The following KSR2 variants were observed in gnomAD, a reference collection of about 807,000 sequenced individuals.
The protein encoded by KSR2 is kinase suppressor of ras 2.
Under a neutral mutation model 107.8 loss-of-function variants are expected in KSR2, and 25 were observed. The ratio of observed to expected loss-of-function variants is 0.23; its 90% CI spans 0.17 to 0.32. The LOEUF is 0.32. Ranked by LOEUF, KSR2 falls within the 10% of genes least tolerant of loss-of-function variation. The pLI is 1.00. For missense variants in KSR2, 887 were observed against 1,268.9 expected, an observed-to-expected ratio of 0.70 and a Z score of 4.57; for synonymous variants, 480 against 507.0, an observed-to-expected ratio of 0.95 and a Z score of 0.71.
chr12:117,555,490 A>T (rs1168595288), intron 8 of KSR2, among the ~76,000 whole-genome samples, 197 bp from the exon 9 acceptor site: 2 of 152,244 alleles, frequency 1.3e-5, no homozygotes, highest in Non-Finnish European at 2.9e-5. Flanking sequence ...TCCATATATG[A>T]CTTTTGACAA....
At position 117,694,850 on chromosome 12, in the gene KSR2, T is replaced by C. The variant is rs1440346894; in HGVS notation, c.987-27192A>G. ...AGGACAAATGTTGTATGATTCTTTT[T>C]TTTTTTTTTTTTTTTTTGAGATGGA... On this transcript the variant is annotated intron_variant, in intron 4 of 19. Transcript: ENST00000339824. 6.3e-5 allele frequency among the ~76,000 whole-genome samples: 9 copies of C among 143,230 alleles called. 1 individual carries two copies. Among genetic ancestry groups the C allele is most frequent in the Admixed American group, 1.4e-4 (2 of 14,424 alleles). 94.0% of individuals were successfully genotyped at this position (143,230 alleles called of 152,430 possible).
intron 3 of KSR2, among the ~76,000 whole-genome samples, chr12:117,802,387 C>T (rs1244404922): frequency 1.3e-5 from 2 of 152,164 alleles, no homozygotes; most frequent in Admixed American, 6.5e-5. Context: ...ATGACATTTT[C>T]AAAGTCCCTT....
chr12:117,940,948 T>C lies in KSR2; in HGVS notation c.180+27128A>G, dbSNP rs1329001079. 3.9e-5 allele frequency among the ~76,000 whole-genome samples: 6 copies of C among 152,138 alleles called. No homozygotes were observed. In the South Asian group the frequency reaches 1.0e-3, roughly 26 times the overall value. On this transcript the variant is annotated intron_variant, in intron 1 of 19. Coordinates refer to ENST00000339824, the MANE Select transcript of KSR2 (RefSeq NM_173598.6). ...TAAAAATACAAAAATTAGCCGGGCA[T>C]GGTGGTGGTTACCTGTAATTCAGCT...
chr12:117,565,197 C>G (rs1176782797), intron 7 of KSR2, among the ~76,000 whole-genome samples: 1 of 152,194 alleles, frequency 6.6e-6, no homozygotes, highest in Non-Finnish European at 1.5e-5. Flanking sequence ...GGAAGACTGT[C>G]ACGTCAATTT....
chr12:117,539,198 T>C (rs191786055), intron 10 of KSR2, among the ~76,000 whole-genome samples: 1 of 152,324 alleles, frequency 6.6e-6, no homozygotes, highest in East Asian at 1.9e-4. Context: ...TAGACCTGGA[T>C]CTTGACTCCA....
intron 3 of KSR2, among the ~76,000 whole-genome samples, chr12:117,813,911 G>GTA (rs1891285921): frequency 6.6e-6 from 1 of 152,114 alleles, no homozygotes; most frequent in South Asian, 2.1e-4. Flanking sequence ...AGGAAATGTG[G>GTA]TATATATATA....
chr12:117,968,266 G>A lies in KSR2; in HGVS notation c.-11C>T. On this transcript the variant is annotated 5_prime_UTR_variant, in exon 1 of 20. Transcript: ENST00000339824. ...GTTTTCCTCATCCATCGCTTGCTCT[G>A]CAACCCCCTTCCCCTCCTCCTCCTC... is the stretch of plus-strand genomic sequence containing the variant. 8.6e-7 allele frequency: 1 copy of A among 1,158,494 alleles called. No homozygotes were observed. 71.8% of individuals were successfully genotyped at this position (1,158,494 alleles called of 1,614,324 possible). A position where few individuals can be genotyped will look rare whatever the true frequency, so the allele number is the denominator to read the frequency against.
chr12:117,696,163 C>T (rs920874402), intron 4 of KSR2, among the ~76,000 whole-genome samples: 3 of 152,102 alleles, frequency 2.0e-5, no homozygotes, highest in South Asian at 2.1e-4. Context: ...CATAAAACTC[C>T]GGCCCACTGA....
intron 4 of KSR2, among the ~76,000 whole-genome samples, chr12:117,715,826 T>C (rs887549480): frequency 1.1e-4 from 17 of 152,198 alleles, no homozygotes; most frequent in African/African-American, 3.6e-4. Context: ...ATCTGGTACC[T>C]TGGATATCAA....
Position 117,481,053 on chromosome 12 carries a change from G to A in KSR2, c.2450+3363C>T, listed in dbSNP as rs148573603. Reference sequence around the variant, plus strand: ...TTCCAGCCTGGGTGACAGAGCAAGAGATCCTGTCTCGAAAAAAAGAAAAAA... The same window carrying A: ...TTCCAGCCTGGGTGACAGAGCAAGAAATCCTGTCTCGAAAAAAAGAAAAAA... On this transcript the variant is annotated intron_variant, in intron 16 of 19. Transcript: ENST00000339824. Among the ~76,000 whole-genome samples, 397 of 151,934 alleles carry A rather than the reference G, an allele frequency of 2.6e-3. 3 individuals are homozygous for A. The highest frequency in any genetic ancestry group is 5.4e-3 in the Admixed American group (82 of 15,278).
At chr12:117,526,207 C>T (rs1043800432) in intron 13 of KSR2, among the ~76,000 whole-genome samples, 3 of 152,218 alleles carry the variant, frequency 2.0e-5, no homozygotes, top group Non-Finnish European at 4.4e-5. Context: ...ACACACGACT[C>T]AGGCGTACTT....
intron 10 of KSR2, among the ~76,000 whole-genome samples, chr12:117,533,998 G>A (rs1355293499): frequency 6.6e-6 from 1 of 152,162 alleles, no homozygotes; most frequent in Admixed American, 6.5e-5. Flanking sequence ...CCATCAAGAA[G>A]TGGCTCTAAA....
chr12:117,949,797 T>C (rs1017218010), intron 1 of KSR2, among the ~76,000 whole-genome samples: 10 of 152,170 alleles, frequency 6.6e-5, no homozygotes, highest in African/African-American at 2.4e-4. Flanking sequence ...GTTCTATATC[T>C]TGATGGAGGT....
At chr12:117,790,036 T>C (rs1442382068) in intron 3 of KSR2, among the ~76,000 whole-genome samples, 1 of 152,176 alleles carries the variant, frequency 6.6e-6, no homozygotes, top group African/African-American at 2.4e-5. Context: ...CCGTCACACC[T>C]GGACCCCTGC....
At chr12:117,878,866 A>G (rs1349051317) in intron 1 of KSR2, among the ~76,000 whole-genome samples, 1 of 152,236 alleles carries the variant, frequency 6.6e-6, no homozygotes, top group Non-Finnish European at 1.5e-5. Context: ...AACTTACCAC[A>G]TACAGCTATT....
At chr12:117,720,188 C>G (rs1199931086) in intron 4 of KSR2, among the ~76,000 whole-genome samples, 1 of 152,226 alleles carries the variant, frequency 6.6e-6, no homozygotes, top group Non-Finnish European at 1.5e-5. Flanking sequence ...TGATTGGGCA[C>G]AGCCAGGGGC....
At chr12:117,535,401 A>C (rs1471142477) in intron 10 of KSR2, among the ~76,000 whole-genome samples, 8 of 152,156 alleles carry the variant, frequency 5.3e-5, no homozygotes, top group Admixed American at 1.3e-4. Flanking sequence ...TTAACAAGTG[A>C]GTATGTAAAC....
intron 9 of KSR2, among the ~76,000 whole-genome samples, chr12:117,540,905 C>G (rs1876438710): frequency 6.6e-6 from 1 of 152,218 alleles, no homozygotes. Context: ...ACAGCAGCAC[C>G]AGGAAATTAG....
At chr12:117,496,946 G>T (rs1479242555) in intron 14 of KSR2, among the ~76,000 whole-genome samples, 1 of 151,730 alleles carries the variant, frequency 6.6e-6, no homozygotes, top group Non-Finnish European at 1.5e-5. Flanking sequence ...TGCCTCCCGG[G>T]TTCAAGCGAT....
Sources: allele counts gnomAD v4.1 joint callset (sites outside exome capture counted in the v4.1 genomes callset), GRCh38; gene constraint gnomAD v4.1.1; transcripts MANE v1.5; gene names NCBI Gene and HGNC (gene_info 2026-07-23, HGNC 2026-07-21).